The following CAMTA1 variants were observed in gnomAD, a reference collection of about 807,000 sequenced individuals.
CAMTA1 encodes calmodulin-binding transcription activator 1.
CAMTA1 carries 27 observed loss-of-function variants against 170.9 expected under a neutral mutation model. That is an observed-to-expected ratio of 0.16 (90% confidence interval 0.12 to 0.22). The LOEUF (loss-of-function observed/expected upper bound fraction) is 0.22, where lower values mean the gene tolerates loss of function less well. CAMTA1 is among the 10% of genes least tolerant of loss of function. The pLI is 1.00. For missense variants in CAMTA1, 1,619 were observed against 2,217.2 expected, an observed-to-expected ratio of 0.73 and a Z score of 5.42; for synonymous variants, 833 against 891.5, an observed-to-expected ratio of 0.93 and a Z score of 1.17.
At chr1:7,381,586 G>C (rs1163939810) in intron 5 of CAMTA1, among the ~76,000 whole-genome samples, 1 of 151,442 alleles carries the variant, frequency 6.6e-6, no homozygotes, top group Non-Finnish European at 1.5e-5. Context: ...CCAAGTCTTT[G>C]CTATTGTGAA....
chr1:7,275,162 A>G (rs994754691), intron 5 of CAMTA1, among the ~76,000 whole-genome samples: 17 of 150,064 alleles, frequency 1.1e-4, no homozygotes, highest in African/African-American at 3.2e-4. Context: ...AAAAAAAAAA[A>G]AGAAGAAAGA....
intron 1 of CAMTA1, among the ~76,000 whole-genome samples, chr1:6,789,767 C>G (rs1640490134): frequency 7.6e-6 from 1 of 132,204 alleles, no homozygotes; most frequent in Non-Finnish European, 1.6e-5. Context: ...CATATTGGAT[C>G]TTGTTAGCCT....
intron 6 of CAMTA1, among the ~76,000 whole-genome samples, chr1:7,597,936 A>C (rs897978206): frequency 7.0e-6 from 1 of 143,566 alleles, no homozygotes; most frequent in African/African-American, 2.5e-5. Context: ...CCCGTCATCT[A>C]CTTTTTTTTT....
chr1:7,479,455 G>A lies in CAMTA1; in HGVS notation c.510+11554G>A, dbSNP rs751023596. Among the ~76,000 whole-genome samples, 79 of 152,284 alleles carry A rather than the reference G, an allele frequency of 5.2e-4. 1 individual carries two copies. The highest frequency in any genetic ancestry group is 6.8e-3 in the Middle Eastern group (2 of 294). On this transcript the variant is annotated intron_variant, in intron 6 of 22. Coordinates refer to ENST00000303635, the MANE Select transcript of CAMTA1 (RefSeq NM_015215.4). ...ATCACCACCCCAAAATGGGCAGGAC[G>A]TCCTGGGGGATTTTATGCTCTTTTT...
chr1:6,892,597 C>CTTTTTTT (rs70984032), intron 3 of CAMTA1, among the ~76,000 whole-genome samples: 24 of 120,834 alleles, frequency 2.0e-4, no homozygotes, highest in East Asian at 9.9e-4. Flanking sequence ...TTTTTCTTTT[C>CTTTTTTT]TTTTTTTTTT....
At chr1:6,848,774 A>G (rs1171511080) in intron 3 of CAMTA1, among the ~76,000 whole-genome samples, 1 of 152,212 alleles carries the variant, frequency 6.6e-6, no homozygotes, top group Non-Finnish European at 1.5e-5. Context: ...TTAATTTTGT[A>G]AATACTTAGG....
chr1:7,540,689 C>T (rs1255302316), intron 6 of CAMTA1, among the ~76,000 whole-genome samples: 1 of 151,914 alleles, frequency 6.6e-6, no homozygotes, highest in East Asian at 1.9e-4. Context: ...GCTGGCCCTT[C>T]CAGAGTACAA....
intron 4 of CAMTA1, among the ~76,000 whole-genome samples, chr1:7,219,182 A>G (rs1172040454): frequency 6.6e-6 from 1 of 152,118 alleles, no homozygotes; most frequent in African/African-American, 2.4e-5. Flanking sequence ...TTTCATAGAC[A>G]CTTCAGCCAA....
rs536429223 is a variant in CAMTA1 at position 7,567,813 on chromosome 1, T to C, written c.511-72587T>C. Among the ~76,000 whole-genome samples the C allele has an allele frequency of 4.6e-5, 7 of 152,274 alleles. No homozygotes were observed. The South Asian group carries it at 8.3e-4, about 18-fold the overall frequency. Reference sequence around the variant, plus strand: ...TTATCCTGGGCTCAATCACCACCCATTGAAAGGTGAAGAGAGAAAACTCCG... The same window carrying C: ...TTATCCTGGGCTCAATCACCACCCACTGAAAGGTGAAGAGAGAAAACTCCG... On this transcript the variant is annotated intron_variant, in intron 6 of 22. Transcript: ENST00000303635.
chr1:7,205,564 C>A (rs1173749792), intron 4 of CAMTA1, among the ~76,000 whole-genome samples: 1 of 152,150 alleles, frequency 6.6e-6, no homozygotes, highest in Non-Finnish European at 1.5e-5. Context: ...CTATCTCTTG[C>A]AACATTTTTT....
chr1:7,676,946 C>T (rs186761513), intron 10 of CAMTA1, among the ~76,000 whole-genome samples: 45 of 152,284 alleles, frequency 3.0e-4, no homozygotes, highest in African/African-American at 1.1e-3. Context: ...GGGGCCACAG[C>T]AGTTAACGAG....
intron 6 of CAMTA1, among the ~76,000 whole-genome samples, chr1:7,596,004 G>A (rs1002787240): frequency 2.6e-5 from 4 of 152,202 alleles, no homozygotes; most frequent in Non-Finnish European, 4.4e-5. Flanking sequence ...GGCTTCCTGG[G>A]GACCCCGGCT....
chr1:7,481,266 T>TA (rs1251301188), intron 6 of CAMTA1, among the ~76,000 whole-genome samples: 1 of 152,204 alleles, frequency 6.6e-6, no homozygotes, highest in African/African-American at 2.4e-5. Context: ...TCCACGGCAC[T>TA]TAATGTCCAA....
In CAMTA1 at chr1:7,589,546, A is replaced by C. The variant is rs78595069; in HGVS notation, c.511-50854A>C. On this transcript the variant is annotated intron_variant, in intron 6 of 22. Transcript: ENST00000303635. ...ACGCATGGTGTCCGTCATTCTGTGC[A>C]GGCCTGCAGTTCTGACCAGCAGTGG... 5.1e-3 allele frequency among the ~76,000 whole-genome samples: 782 copies of C among 152,260 alleles called. 8 individuals are homozygous for C. The highest frequency in any genetic ancestry group is 0.017 in the African/African-American group (724 of 41,556).
intron 3 of CAMTA1, among the ~76,000 whole-genome samples, chr1:6,917,268 G>C (rs1681011063): frequency 6.6e-6 from 1 of 152,124 alleles, no homozygotes; most frequent in East Asian, 1.9e-4. Context: ...TGCAGGATGA[G>C]GGTGGAGTTG....
intron 4 of CAMTA1, among the ~76,000 whole-genome samples, chr1:7,138,135 A>G (rs1645648017): frequency 6.6e-6 from 1 of 152,110 alleles, no homozygotes; most frequent in Non-Finnish European, 1.5e-5. Context: ...ACTGGTGCGC[A>G]CCACCACGCC....
chr1:7,512,817 G>T (rs1279463301), intron 6 of CAMTA1, among the ~76,000 whole-genome samples: 1 of 152,212 alleles, frequency 6.6e-6, no homozygotes, highest in Non-Finnish European at 1.5e-5. Flanking sequence ...TGCCTTGGAG[G>T]CTGGGAGGGA....
At chr1:6,792,187 G>A (rs930200657) in intron 1 of CAMTA1, among the ~76,000 whole-genome samples, 2 of 151,916 alleles carry the variant, frequency 1.3e-5, no homozygotes, top group East Asian at 3.9e-4. Context: ...TGAATTCCTG[G>A]CCTCAAGTGA....
rs2083177099 is a variant in CAMTA1 at position 7,333,718 on chromosome 1, C to T, written c.438+84092C>T. On this transcript the variant is annotated intron_variant, in intron 5 of 22. Coordinates refer to ENST00000303635, the MANE Select transcript of CAMTA1 (RefSeq NM_015215.4). The surrounding 1 kb of genome is among the most constrained non-coding windows in gnomAD (Gnocchi z 4.4). Reference sequence around the variant, plus strand: ...CGGTGATCTGTGTGCCTTGCAGGGGCGTGGAGCCTGGTGTATTTACATACC... The same window carrying T: ...CGGTGATCTGTGTGCCTTGCAGGGGTGTGGAGCCTGGTGTATTTACATACC... 6.6e-6 allele frequency among the ~76,000 whole-genome samples: 1 copy of T among 152,164 alleles called. No individual in the cohort carries two copies. Among genetic ancestry groups the T allele is most frequent in the African/African-American group, 2.4e-5 (1 of 41,430 alleles).
Sources: gnomAD v4.1 joint callset for allele counts (sites outside exome capture counted in the v4.1 genomes callset) on GRCh38, gnomAD v4.1.1 for gene constraint, Gnocchi (gnomAD v3.1) non-coding constraint, MANE v1.5 for transcripts, NCBI Gene and HGNC (gene_info 2026-07-23, HGNC 2026-07-21) for gene names.